Variants in OLFM2 observed in about 807,000 individuals in gnomAD.
The protein encoded by OLFM2 is olfactomedin 2, also known as noelin-2.
Under a neutral mutation model 43.9 loss-of-function variants are expected in OLFM2, and 20 were observed. That is an observed-to-expected ratio of 0.46 (90% CI 0.32 to 0.66). OLFM2 has a LOEUF of 0.66. OLFM2 is among the 30% of genes least tolerant of loss of function. OLFM2 has a pLI of 0.04. For synonymous variants in OLFM2, 268 were observed against 278.6 expected (o/e 0.96, Z 0.38); for missense variants, 416 against 643.6 (o/e 0.65, Z 3.83).
chr19:9,913,554 T>A, intron 1 of OLFM2: 2 of 1,243,720 alleles, frequency 1.6e-6, no homozygotes, highest in Admixed American at 4.1e-5. Flanking sequence ...GTCTGCGACA[T>A]CCAGTTGGTG....
intron 1 of OLFM2, among the ~76,000 whole-genome samples, chr19:9,918,172 C>T (rs975281393): frequency 4.0e-5 from 6 of 151,670 alleles, no homozygotes; most frequent in African/African-American, 1.5e-4. Context: ...AGCCACCATG[C>T]CTGGCCACTT....
chr19:9,918,053 A>G (rs1363980495), intron 1 of OLFM2, among the ~76,000 whole-genome samples: 1 of 151,204 alleles, frequency 6.6e-6, no homozygotes, highest in Non-Finnish European at 1.5e-5. Context: ...TAATTTTTGT[A>G]TTTTTAGTAG....
At position 9,856,929 on chromosome 19, in the gene OLFM2, AG is replaced by A; in HGVS notation, c.581-17del. ...TTCCCACAGCCTGGGAGGCAGGAAC[AG>A]GGGGAATGAGGATGGGGAAATGAAC... On this transcript the variant is annotated splice_polypyrimidine_tract_variant and intron_variant, in intron 4 of 5. Coordinates refer to ENST00000264833, the MANE Select transcript of OLFM2 (RefSeq NM_058164.4). The surrounding 1 kb of genome is among the most constrained non-coding windows in gnomAD (Gnocchi z 4.0). The A allele has an allele frequency of 6.3e-7, 1 of 1,575,256 alleles. No individual in the cohort carries two copies. Among genetic ancestry groups the A allele is most frequent in the Non-Finnish European group, 8.7e-7 (1 of 1,153,532 alleles).
At chr19:9,876,573 G>A (rs2046490186) in intron 1 of OLFM2, among the ~76,000 whole-genome samples, 1 of 152,118 alleles carries the variant, frequency 6.6e-6, no homozygotes, top group Non-Finnish European at 1.5e-5. Flanking sequence ...TTATCCCTTG[G>A]CTACACCTCC....
chr19:9,931,778 AG>A (rs2086484257), intron 1 of OLFM2, among the ~76,000 whole-genome samples: 1 of 151,978 alleles, frequency 6.6e-6, no homozygotes, highest in African/African-American at 2.4e-5. Flanking sequence ...TGTATTGCCC[AG>A]GCTGGTCTCA....
At chr19:9,858,235 C>T (rs1046423478) in intron 2 of OLFM2, 6 of 352,634 alleles carry the variant, frequency 1.7e-5, no homozygotes, top group Admixed American at 3.9e-5. Flanking sequence ...GCCCACCCCC[C>T]CCGCCCAACC....
Position 9,904,182 on chromosome 19 carries a change from G to GTGTGTGTA in OLFM2, c.63+32121_63+32122insTACACACA, listed in dbSNP as rs1555727614. ...TGTGTGTGTGTGTGTGTGTGTGTGTGTGTGTGTGTGTGTGTGTGTGTGTTT... is the reference window on the plus strand; with the variant it reads ...TGTGTGTGTGTGTGTGTGTGTGTGTGTGTGTGTATGTGTGTGTGTGTGTGTGTGTGTTT... On this transcript the variant is annotated intron_variant, in intron 1 of 5. Transcript: ENST00000264833. 2.0e-4 allele frequency among the ~76,000 whole-genome samples: 30 copies of GTGTGTGTA among 151,040 alleles called. 1 individual carries two copies. The highest frequency in any genetic ancestry group is 7.3e-4 in the African/African-American group (30 of 41,066).
At chr19:9,872,101 C>G (rs2145445342) in intron 1 of OLFM2, among the ~76,000 whole-genome samples, 1 of 152,284 alleles carries the variant, frequency 6.6e-6, no homozygotes, top group African/African-American at 2.4e-5. Context: ...TCTGCTATGT[C>G]TGAGCCGTGA....
At chr19:9,871,947 G>A (rs775092049) in intron 1 of OLFM2, among the ~76,000 whole-genome samples, 7 of 152,204 alleles carry the variant, frequency 4.6e-5, no homozygotes, top group Non-Finnish European at 7.3e-5. Flanking sequence ...CTGCCACGGA[G>A]CTTGCTTCTG....
chr19:9,862,292 G>A (rs913410269), intron 1 of OLFM2, among the ~76,000 whole-genome samples: 2 of 152,078 alleles, frequency 1.3e-5, no homozygotes, highest in South Asian at 2.1e-4. Context: ...CCAAGAGAAT[G>A]GGCTCTTGAG....
intron 1 of OLFM2, among the ~76,000 whole-genome samples, chr19:9,868,741 G>C (rs1227507547): frequency 7.2e-5 from 11 of 151,988 alleles, no homozygotes; most frequent in Non-Finnish European, 4.4e-5. Context: ...AGGAGTTTGA[G>C]ACCAGCCTGG....
intron 1 of OLFM2, among the ~76,000 whole-genome samples, chr19:9,873,161 C>T (rs2046457154): frequency 6.6e-6 from 1 of 152,132 alleles, no homozygotes; most frequent in Admixed American, 6.6e-5. Context: ...AGAGTCACTT[C>T]CTTCAGGGTC....
Position 9,857,118 on chromosome 19 carries a change from G to T in OLFM2, c.580+145C>A. The T allele has an allele frequency of 1.1e-6, 1 of 887,218 alleles. No homozygotes were observed. Among genetic ancestry groups the T allele is most frequent in the Non-Finnish European group, 1.8e-6 (1 of 556,124 alleles). 55.0% of individuals were successfully genotyped at this position (887,218 alleles called of 1,614,324 possible). ...GGCCATTTCCAGCTTCTGGACTCAA[G>T]TGTAGCCTTAGGTAGGAAGGTCAAG... On this transcript the variant is annotated intron_variant, in intron 4 of 5. Transcript: ENST00000264833. This position sits in a 1 kb window ranked among gnomAD's most constrained non-coding sequence, Gnocchi z 5.7.
At chr19:9,895,114 T>C (rs977598295) in intron 1 of OLFM2, among the ~76,000 whole-genome samples, 1 of 152,196 alleles carries the variant, frequency 6.6e-6, no homozygotes, top group Non-Finnish European at 1.5e-5. Context: ...CCTACTGATG[T>C]TAACTCCTAG....
chr19:9,927,929 G>A (rs1212436258), intron 1 of OLFM2, among the ~76,000 whole-genome samples: 2 of 151,376 alleles, frequency 1.3e-5, no homozygotes, highest in Non-Finnish European at 2.9e-5. Context: ...GGGCCCTGTG[G>A]CTCATGCCTG....
chr19:9,929,491 G>A (rs1188184139), intron 1 of OLFM2, among the ~76,000 whole-genome samples: 2 of 152,108 alleles, frequency 1.3e-5, no homozygotes, highest in African/African-American at 4.8e-5. Context: ...AGCTACTTGG[G>A]AGGCTGAGGC....
At chr19:9,901,316 C>T (rs1420173245) in intron 1 of OLFM2, among the ~76,000 whole-genome samples, 1 of 151,612 alleles carries the variant, frequency 6.6e-6, no homozygotes, top group Non-Finnish European at 1.5e-5. Context: ...ATTCCAACTA[C>T]TTGGGAGGCT....
chr19:9,890,460 G>A (rs571425518), intron 1 of OLFM2, among the ~76,000 whole-genome samples: 3 of 152,328 alleles, frequency 2.0e-5, no homozygotes, highest in African/African-American at 4.8e-5. Context: ...AATAAAGTGC[G>A]TGCATGTGGA....
chr19:9,884,881 T>TATGA lies in OLFM2; in HGVS notation c.64-24091_64-24088dup, dbSNP rs574911638. On this transcript the variant is annotated intron_variant, in intron 1 of 5. Transcript: ENST00000264833. The stretch of plus-strand genomic sequence containing the variant: ...TGGAGACAATGGACAGGCATCAAGA[T>TATGA]ATGAATGAATGAATGAATGCTTCCT... Among the ~76,000 whole-genome samples the TATGA allele has an allele frequency of 5.6e-3, 848 of 152,244 alleles. 5 individuals carry two copies. The highest frequency in any genetic ancestry group is 0.014 in the Middle Eastern group (4 of 292).
Sources: gnomAD v4.1 joint callset for allele counts (sites outside exome capture counted in the v4.1 genomes callset) on GRCh38, gnomAD v4.1.1 for gene constraint, Gnocchi (gnomAD v3.1) non-coding constraint, MANE v1.5 for transcripts, NCBI Gene and HGNC (gene_info 2026-07-23, HGNC 2026-07-21) for gene names.